Variants in ASTN1 observed in about 807,000 individuals in gnomAD.
The protein encoded by ASTN1 is astrotactin-1.
In ASTN1, 41 loss-of-function variants were observed where a neutral mutation model predicts 140.7. The ratio of observed to expected loss-of-function variants is 0.29; its 90% CI spans 0.23 to 0.38. ASTN1 has a LOEUF of 0.38. Among genes scored for constraint, ASTN1 ranks in the 10% least tolerant of loss-of-function variants. ASTN1 has a pLI of 1.00. For synonymous variants in ASTN1, 640 were observed against 652.2 expected (o/e 0.98, Z 0.29); for missense variants, 1,479 against 1,678.8 (o/e 0.88, Z 2.08).
chr1:177,009,572 G>A (rs1675182954), intron 8 of ASTN1, among the ~76,000 whole-genome samples: 2 of 152,196 alleles, frequency 1.3e-5, no homozygotes, highest in Admixed American at 6.5e-5. Flanking sequence ...GGAAGAAGTT[G>A]CAGAAATAGA....
At chr1:177,136,321 G>A (rs1054673854) in intron 1 of ASTN1, among the ~76,000 whole-genome samples, 6 of 150,828 alleles carry the variant, frequency 4.0e-5, no homozygotes, top group Admixed American at 6.6e-5. Flanking sequence ...GTGAAATATC[G>A]TAACTGTGTT....
rs558805481 is a variant in ASTN1 at position 177,067,708 on chromosome 1, G to A, written c.284-6443C>T. ...TATCAAGCGTGACCCAAGTCTTAAT[G>A]TCTGTGGAAAGGGATCCTCTAAAGA... is the stretch of plus-strand genomic sequence containing the variant. On this transcript the variant is annotated intron_variant, in intron 1 of 22. Transcript: ENST00000361833. Among the ~76,000 whole-genome samples, 296 of 152,220 alleles carry A rather than the reference G, an allele frequency of 1.9e-3. 1 individual carries two copies. Among genetic ancestry groups the A allele is most frequent in the African/African-American group, 6.9e-3 (285 of 41,542 alleles).
At chr1:177,053,048 G>C (rs993073328) in intron 2 of ASTN1, among the ~76,000 whole-genome samples, 3 of 152,176 alleles carry the variant, frequency 2.0e-5, no homozygotes, top group African/African-American at 7.2e-5. Flanking sequence ...TTGATAGTAT[G>C]TATGCAAATG....
chr1:176,957,974 C>T, intron 10 of ASTN1, 146 bp from the exon 11 acceptor site: 2 of 1,101,808 alleles, frequency 1.8e-6, no homozygotes, highest in Non-Finnish European at 2.5e-6. Context: ...TACTCCAAGC[C>T]TTGAACTAAC....
intron 8 of ASTN1, among the ~76,000 whole-genome samples, chr1:176,975,227 G>A (rs1673315713): frequency 1.3e-5 from 2 of 152,230 alleles, no homozygotes; most frequent in Admixed American, 6.5e-5. Context: ...ACTCTACTTG[G>A]TGCTGTCCAT....
At chr1:176,988,540 T>G (rs915644585) in intron 8 of ASTN1, among the ~76,000 whole-genome samples, 1 of 152,212 alleles carries the variant, frequency 6.6e-6, no homozygotes, top group Non-Finnish European at 1.5e-5. Flanking sequence ...GGTCTAAACC[T>G]ACATTCTATC....
intron 1 of ASTN1, among the ~76,000 whole-genome samples, chr1:177,096,801 C>G (rs1181623526): frequency 1.3e-5 from 2 of 152,140 alleles, no homozygotes; most frequent in Non-Finnish European, 2.9e-5. Flanking sequence ...GTCCATTAGA[C>G]CTCTTTTTCC....
rs1307923844 is a variant in ASTN1, at chr1:177,164,496, C to A, written c.181G>T (p.Ala61Ser). 2.5e-6 allele frequency: 4 copies of A among 1,613,912 alleles called. No homozygotes were observed. Among genetic ancestry groups the A allele is most frequent in the Middle Eastern group, 1.7e-4 (1 of 6,060 alleles). Residue 61 changes from alanine to serine, a missense_variant, in exon 1 of 23, where the codon GCC becomes TCC. By Grantham distance (99) the Ala-to-Ser change is moderately conservative. Coordinates refer to ENST00000361833, the MANE Select transcript of ASTN1 (RefSeq NM_004319.3). Reference protein sequence around the residue: ...NDLSIMHSPSASEPKLLFSVR... With the variant: ...NDLSIMHSPSSSEPKLLFSVR... The stretch of plus-strand genomic sequence containing the variant: ...GAGAAGAGGAGCTTGGGCTCCGAGG[C>A]CGAGGGGCTGTGCATGATGCTCAGG...
intron 1 of ASTN1, among the ~76,000 whole-genome samples, chr1:177,074,337 T>A (rs1173677153): frequency 6.6e-6 from 1 of 152,186 alleles, no homozygotes; most frequent in Non-Finnish European, 1.5e-5. Flanking sequence ...ATTGCTTTCA[T>A]AATAACTGAG....
At chr1:176,872,394 A>C (rs911938351) in intron 21 of ASTN1, among the ~76,000 whole-genome samples, 1 of 152,204 alleles carries the variant, frequency 6.6e-6, no homozygotes, top group African/African-American at 2.4e-5. Flanking sequence ...GTAAGCAATA[A>C]ACATAGTAAA....
intron 1 of ASTN1, among the ~76,000 whole-genome samples, chr1:177,076,938 C>T (rs923311847): frequency 2.6e-5 from 4 of 152,048 alleles, no homozygotes; most frequent in East Asian, 1.9e-4. Flanking sequence ...TCATCAGGGC[C>T]GGAGACTGGC....
At chr1:177,078,828 C>T (rs1002083856) in intron 1 of ASTN1, among the ~76,000 whole-genome samples, 1 of 152,038 alleles carries the variant, frequency 6.6e-6, no homozygotes, top group African/African-American at 2.4e-5. Flanking sequence ...ACTCACATAA[C>T]TTAACAGTCA....
intron 8 of ASTN1, among the ~76,000 whole-genome samples, chr1:177,007,051 A>G (rs1251972876): frequency 1.3e-5 from 2 of 152,184 alleles, no homozygotes; most frequent in Non-Finnish European, 2.9e-5. Context: ...ACTACCAGCT[A>G]TGTGACCTTG....
chr1:177,093,998 GA>G (rs1259990507), intron 1 of ASTN1, among the ~76,000 whole-genome samples: 1 of 152,136 alleles, frequency 6.6e-6, no homozygotes, highest in Admixed American at 6.6e-5. Flanking sequence ...CTGGCTTATA[GA>G]AATGCCCTGC....
At chr1:177,113,119 T>A (rs1680901181) in intron 1 of ASTN1, among the ~76,000 whole-genome samples, 3 of 152,186 alleles carry the variant, frequency 2.0e-5, no homozygotes, top group Admixed American at 2.0e-4. Context: ...TTCCCAGCAA[T>A]CCCCTGAAAA....
At chr1:176,964,521 A>C (rs188880885) in intron 9 of ASTN1, among the ~76,000 whole-genome samples, 1 of 152,302 alleles carries the variant, frequency 6.6e-6, no homozygotes, top group Admixed American at 6.5e-5. Context: ...TGATAATTGA[A>C]TCCTTCCTGG....
At chr1:177,149,544 T>TAA (rs1682922170) in intron 1 of ASTN1, among the ~76,000 whole-genome samples, 1 of 65,154 alleles carries the variant, frequency 1.5e-5, no homozygotes, top group Non-Finnish European at 2.4e-5. Context: ...ATATATATAG[T>TAA]ATATATATAG....
chr1:176,955,698 C>T (rs193178303), intron 11 of ASTN1, among the ~76,000 whole-genome samples: 17 of 152,318 alleles, frequency 1.1e-4, no homozygotes, highest in Admixed American at 3.9e-4. Flanking sequence ...AGCATAGCTA[C>T]GTGCCAAGTA....
chr1:177,116,764 C>T (rs1681110384), intron 1 of ASTN1, among the ~76,000 whole-genome samples: 1 of 152,182 alleles, frequency 6.6e-6, no homozygotes, highest in East Asian at 1.9e-4. Context: ...TCAGAACACT[C>T]TGTTCCTTTG....
Sources: allele counts gnomAD v4.1 joint callset (sites outside exome capture counted in the v4.1 genomes callset), GRCh38; gene constraint gnomAD v4.1.1; transcripts MANE v1.5; gene names NCBI Gene and HGNC (gene_info 2026-07-23, HGNC 2026-07-21).